BIN1: variants seen among roughly 807,000 people sequenced by gnomAD.
BIN1 encodes the protein bridging integrator 1.
Under a neutral mutation model 82.0 loss-of-function variants are expected in BIN1, and 53 were observed. That is an observed-to-expected ratio of 0.65 (90% CI 0.52 to 0.81). BIN1 has a LOEUF of 0.81. BIN1 is among the 40% of genes least tolerant of loss of function. The probability of loss-of-function intolerance (pLI) is 0.00; values close to 1 mark genes in which losing one functional copy is unlikely to be tolerated. For synonymous variants in BIN1, 302 were observed against 328.0 expected, an observed-to-expected ratio of 0.92 and a Z score of 0.86; for missense variants, 642 against 784.4, an observed-to-expected ratio of 0.82 and a Z score of 2.17.
intron 2 of BIN1, among the ~76,000 whole-genome samples, chr2:127,073,152 C>T (rs1686129433): frequency 6.6e-6 from 1 of 152,242 alleles, no homozygotes; most frequent in Non-Finnish European, 1.5e-5. Context: ...CGCAGATGTG[C>T]AAGGGGCCGG....
chr2:127,064,462 T>C (rs1684895388), intron 7 of BIN1, among the ~76,000 whole-genome samples: 2 of 152,198 alleles, frequency 1.3e-5, no homozygotes, highest in Admixed American at 6.5e-5. Context: ...CATCTGTCGC[T>C]GCCCCCAATT....
chr2:127,049,953 C>T (rs951211264), intron 18 of BIN1, among the ~76,000 whole-genome samples: 3 of 152,196 alleles, frequency 2.0e-5, no homozygotes, highest in Admixed American at 6.5e-5. Flanking sequence ...GGGCAGGGCC[C>T]GCCTCGAGGG....
chr2:127,095,892 C>T (rs1679540423), intron 1 of BIN1, among the ~76,000 whole-genome samples: 1 of 152,178 alleles, frequency 6.6e-6, no homozygotes. Flanking sequence ...CCAGCCGGAC[C>T]CAGCAGGAAC....
rs200855894 is a variant in BIN1, at chr2:127,076,712, G to A, written c.85-6C>T. The A allele has an allele frequency of 7.4e-5, 120 of 1,614,046 alleles. No homozygotes were observed. In the Admixed American group the frequency reaches 1.0e-3, roughly 14 times the overall value. On this transcript the variant is annotated splice_polypyrimidine_tract_variant and splice_region_variant and intron_variant, in intron 1 of 18. Transcript: ENST00000316724. ...TTCCCCAGCTTCTGGAGAACCTGCCGAAGCCAAGAGAGAAGGGGAGAGTGT... is the reference window on the plus strand; with the variant it reads ...TTCCCCAGCTTCTGGAGAACCTGCCAAAGCCAAGAGAGAAGGGGAGAGTGT...
At chr2:127,052,709 G>T in intron 14 of BIN1, 1 of 360,832 alleles carries the variant, frequency 2.8e-6, no homozygotes, top group South Asian at 3.0e-5. Flanking sequence ...GGCTGCCAGC[G>T]CATGCCCCAA....
chr2:127,055,119 C>T (rs1369424747), intron 12 of BIN1: 1 of 152,280 alleles, frequency 6.6e-6, no homozygotes, highest in Non-Finnish European at 1.5e-5. Flanking sequence ...CAGCCCAGGC[C>T]AGCGGCTTCC....
At chr2:127,053,393 G>T in intron 14 of BIN1, 29 bp downstream of exon 14, 1 of 1,613,726 alleles carries the variant, frequency 6.2e-7, no homozygotes, top group Non-Finnish European at 8.5e-7. Context: ...TCCCCCAGGG[G>T]CTGGACAAAG....
At chr2:127,051,375 G>A in intron 15 of BIN1, 132 bp from the exon 16 acceptor site, 1 of 873,328 alleles carries the variant, frequency 1.1e-6, no homozygotes, top group African/African-American at 1.7e-5. Flanking sequence ...AGGGTCTAGA[G>A]CTGCCCAGTG....
chr2:127,059,184 A>G lies in BIN1; in HGVS notation c.858-29T>C, dbSNP rs1331494077. ...TGGGGGAGGACAAGAAAGGGAGCCC[A>G]GTGTTGGGGGGCCAAGGCACAGGAG... On this transcript the variant is annotated intron_variant, in intron 10 of 18. Coordinates refer to ENST00000316724, the MANE Select transcript of BIN1 (RefSeq NM_139343.3). This position sits in a 1 kb window ranked among gnomAD's most constrained non-coding sequence, Gnocchi z 6.7. 9.0e-6 allele frequency: 14 copies of G among 1,557,682 alleles called. No homozygotes were observed. The highest frequency in any genetic ancestry group is 1.2e-5 in the Non-Finnish European group (14 of 1,151,828).
In BIN1 at chr2:127,057,465, C is replaced by A. The variant is rs1683846950; in HGVS notation, c.1131+8G>T. 1.3e-6 allele frequency: 2 copies of A among 1,544,372 alleles called. No individual in the cohort carries two copies. The highest frequency in any genetic ancestry group is 1.2e-5 in the South Asian group (1 of 83,184). ...GAGGAGAGCTGGGCCGCGGCGGCCGCGGCTGACCTGGGAGGGGGTGGTCAC... is the reference window on the plus strand; with the variant it reads ...GAGGAGAGCTGGGCCGCGGCGGCCGAGGCTGACCTGGGAGGGGGTGGTCAC... On this transcript the variant is annotated splice_region_variant and intron_variant, in intron 12 of 18. Coordinates refer to ENST00000316724, the MANE Select transcript of BIN1 (RefSeq NM_139343.3). This position sits in a 1 kb window ranked among gnomAD's most constrained non-coding sequence, Gnocchi z 5.0.
At chr2:127,080,272 A>T (rs1280517827) in intron 1 of BIN1, among the ~76,000 whole-genome samples, 1 of 152,236 alleles carries the variant, frequency 6.6e-6, no homozygotes, top group Non-Finnish European at 1.5e-5. Flanking sequence ...CATCCGTTCC[A>T]CACTTGGTTA....
intron 1 of BIN1, among the ~76,000 whole-genome samples, chr2:127,086,845 G>T (rs1199431427): frequency 6.8e-6 from 1 of 147,132 alleles, no homozygotes; most frequent in Non-Finnish European, 1.5e-5. Context: ...CCCCCAGGAA[G>T]CGCCTGGCCT....
At chr2:127,049,443 A>G (rs3768865) in intron 18 of BIN1, among the ~76,000 whole-genome samples, 93,055 of 151,996 alleles carry the variant, frequency 0.61, 29,011 homozygotes, top group African/African-American at 0.73. Flanking sequence ...CCGGACCTCA[A>G]TAAGTACCTG....
intron 1 of BIN1, among the ~76,000 whole-genome samples, chr2:127,104,548 C>T (rs1680786772): frequency 1.3e-5 from 2 of 152,192 alleles, no homozygotes; most frequent in Non-Finnish European, 2.9e-5. Flanking sequence ...CATCCTTGCT[C>T]AGGAAACGCC....
At position 127,093,775 on chromosome 2, in the gene BIN1, G is replaced by A. The variant is rs1352459666; in HGVS notation, c.84+13085C>T. Among the ~76,000 whole-genome samples the A allele has an allele frequency of 2.0e-5, 3 of 152,208 alleles. No individual in the cohort carries two copies. The highest frequency in any genetic ancestry group is 7.2e-5 in the African/African-American group (3 of 41,446). ...GTGTCAGCTGTGGCCCTTATGATGGGTGAGAACGATACCACACGTTTCCGC... is the reference window on the plus strand; with the variant it reads ...GTGTCAGCTGTGGCCCTTATGATGGATGAGAACGATACCACACGTTTCCGC... On this transcript the variant is annotated intron_variant, in intron 1 of 18. Coordinates refer to ENST00000316724, the MANE Select transcript of BIN1 (RefSeq NM_139343.3). This position sits in a 1 kb window ranked among gnomAD's most constrained non-coding sequence, Gnocchi z 5.7.
Position 127,050,920 on chromosome 2 carries a change from C to G in BIN1, c.1462-8G>C. 6.2e-7 allele frequency: 1 copy of G among 1,613,082 alleles called. No individual in the cohort carries two copies. Among genetic ancestry groups the G allele is most frequent in the Non-Finnish European group, 8.5e-7 (1 of 1,179,248 alleles). On this transcript the variant is annotated splice_polypyrimidine_tract_variant and splice_region_variant and intron_variant, in intron 16 of 18. Coordinates refer to ENST00000316724, the MANE Select transcript of BIN1 (RefSeq NM_139343.3). ...GACAGCAGGAAGAGAGCTCTGGTGG[C>G]AGAGGTACGGGTCAGCTGAGCAGGG...
At chr2:127,066,352 C>T (rs1264374992) in intron 7 of BIN1, among the ~76,000 whole-genome samples, 1 of 152,242 alleles carries the variant, frequency 6.6e-6, no homozygotes, top group Non-Finnish European at 1.5e-5. Context: ...GCCTCACCCT[C>T]TCGCTGCTCC....
At chr2:127,101,638 G>A (rs1207419404) in intron 1 of BIN1, among the ~76,000 whole-genome samples, 1 of 152,138 alleles carries the variant, frequency 6.6e-6, no homozygotes, top group Non-Finnish European at 1.5e-5. Context: ...CTCAATATTT[G>A]TTGCATGAAT....
chr2:127,050,078 A>C (rs967338346), intron 18 of BIN1, among the ~76,000 whole-genome samples: 1 of 152,238 alleles, frequency 6.6e-6, no homozygotes. Flanking sequence ...GGCAGGCCTC[A>C]GGCACAGCTG....
Sources: gnomAD v4.1 joint callset for allele counts (sites outside exome capture counted in the v4.1 genomes callset) on GRCh38, gnomAD v4.1.1 for gene constraint, Gnocchi (gnomAD v3.1) non-coding constraint, MANE v1.5 for transcripts, NCBI Gene and HGNC (gene_info 2026-07-23, HGNC 2026-07-21) for gene names.